Variants in NUP210 observed in about 807,000 individuals in gnomAD.
The protein encoded by NUP210 is nuclear pore membrane glycoprotein 210.
In NUP210, 151 loss-of-function variants were observed where a neutral mutation model predicts 196.0. The ratio of observed to expected loss-of-function variants is 0.77; its 90% CI spans 0.67 to 0.88. The LOEUF (loss-of-function observed/expected upper bound fraction) is 0.88, where lower values mean the gene tolerates loss of function less well. NUP210 is among the 40% of genes least tolerant of loss of function. The probability of loss-of-function intolerance (pLI) is 0.00; values close to 1 mark genes in which losing one functional copy is unlikely to be tolerated. For synonymous variants in NUP210, 1,070 were observed against 1,052.7 expected (o/e 1.02, Z -0.32); for missense variants, 2,314 against 2,493.7 (o/e 0.93, Z 1.53).
chr3:13,351,972 G>A lies in NUP210; in HGVS notation c.2742C>T (p.Leu914=). ...AGTAACCTGAGCCTTCCCTGATGCG[G>A]AGCTCTGCCTGCAGGAGGCAGATGC... ...IYNHPGIQAE[L]RIREGSGYFF... Residue 914 remains leucine (L), a synonymous_variant, in exon 20 of 40, where the codon CTC becomes CTT. Transcript: ENST00000254508. 1 of 1,611,042 alleles carries A rather than the reference G, an allele frequency of 6.2e-7. No homozygotes were observed.
chr3:13,408,508 G>C (rs1177236647), intron 1 of NUP210, among the ~76,000 whole-genome samples: 1 of 152,106 alleles, frequency 6.6e-6, no homozygotes, highest in African/African-American at 2.4e-5. Context: ...AAGGTTTTTA[G>C]GCCAGGTGCC....
At chr3:13,362,264 G>C (rs1227575933) in intron 14 of NUP210, among the ~76,000 whole-genome samples, 2 of 152,154 alleles carry the variant, frequency 1.3e-5, no homozygotes, top group Non-Finnish European at 2.9e-5. Context: ...CTAGCTCTCT[G>C]GGTTCTTTTA....
chr3:13,382,319 A>G (rs1249674587), intron 6 of NUP210, among the ~76,000 whole-genome samples: 3 of 152,182 alleles, frequency 2.0e-5, no homozygotes, highest in Non-Finnish European at 2.9e-5. Context: ...AGCCCATCCT[A>G]TAAGCAATAC....
At chr3:13,418,636 A>T (rs1700424201) in intron 1 of NUP210, among the ~76,000 whole-genome samples, 1 of 151,634 alleles carries the variant, frequency 6.6e-6, no homozygotes, top group Non-Finnish European at 1.5e-5. Flanking sequence ...AAAATGCAAA[A>T]AACTAGCTGG....
rs1697776778 is a variant in NUP210 at position 13,347,264 on chromosome 3, G to A, written c.2836-3961C>T. Reference sequence around the variant, plus strand: ...GTGCTTAACACAGCACCTGGCACACGATAAGCACTCCAGCGTCTCTGAGTG... The same window carrying A: ...GTGCTTAACACAGCACCTGGCACACAATAAGCACTCCAGCGTCTCTGAGTG... On this transcript the variant is annotated intron_variant, in intron 20 of 39. Transcript: ENST00000254508. This position sits in a 1 kb window ranked among gnomAD's most constrained non-coding sequence, Gnocchi z 4.7. The A allele has an allele frequency of 2.0e-5, 20 of 985,186 alleles. No homozygotes were observed. The highest frequency in any genetic ancestry group is 2.3e-5 in the Non-Finnish European group (19 of 829,848). The allele number at this position is 985,186 out of a possible 1,614,324, so 61.0% of individuals were successfully genotyped here.
Position 13,412,611 on chromosome 3 carries a change from G to C in NUP210, c.167+7449C>G, listed in dbSNP as rs564330670. Among the ~76,000 whole-genome samples, 2 of 152,126 alleles carry C rather than the reference G, an allele frequency of 1.3e-5. 1 individual carries two copies. The highest frequency in any genetic ancestry group is 4.1e-4 in the South Asian group (2 of 4,824). On this transcript the variant is annotated intron_variant, in intron 1 of 39. Transcript: ENST00000254508. ...TGCCTGTAATCTCAGCTACTCAGGAGGCTGAGGCAGGAGAATCGCTTGAAC... is the reference window on the plus strand; with the variant it reads ...TGCCTGTAATCTCAGCTACTCAGGACGCTGAGGCAGGAGAATCGCTTGAAC...
intron 36 of NUP210, 92 bp downstream of exon 36, chr3:13,321,493 C>T: frequency 9.5e-6 from 13 of 1,363,278 alleles, no homozygotes; most frequent in Non-Finnish European, 1.2e-5. Context: ...AGAGAGCTGG[C>T]CCAGGACATC....
Position 13,327,203 on chromosome 3 carries a change from A to T in NUP210, c.4507+14T>A, listed in dbSNP as rs773337826. ...CGTGACTCCACAGGTTCCCTTGCTC[A>T]GGATCTATCTTACCTTCCAGGCTGG... On this transcript the variant is annotated intron_variant, in intron 32 of 39. Transcript: ENST00000254508. 9.3e-6 allele frequency: 15 copies of T among 1,604,294 alleles called. No homozygotes were observed. The highest frequency in any genetic ancestry group is 1.3e-5 in the Non-Finnish European group (15 of 1,173,858).
At chr3:13,344,625 C>T (rs1253555946) in intron 20 of NUP210, among the ~76,000 whole-genome samples, 1 of 152,180 alleles carries the variant, frequency 6.6e-6, no homozygotes, top group Non-Finnish European at 1.5e-5. Flanking sequence ...AACATCAACC[C>T]CTCAACAGCT....
At chr3:13,385,048 C>T (rs1393116958) in intron 6 of NUP210, among the ~76,000 whole-genome samples, 2 of 152,170 alleles carry the variant, frequency 1.3e-5, no homozygotes, top group Non-Finnish European at 2.9e-5. Context: ...TGCTTCTCTT[C>T]AACTAGGACC....
chr3:13,354,844 T>A (rs1435260278), intron 16 of NUP210: 4 of 152,232 alleles, frequency 2.6e-5, no homozygotes, highest in Non-Finnish European at 5.9e-5. Flanking sequence ...AGGCTGCAGG[T>A]CCAAATCCTG....
intron 5 of NUP210, among the ~76,000 whole-genome samples, chr3:13,387,035 T>C (rs1178005967): frequency 2.6e-5 from 4 of 152,232 alleles, no homozygotes; most frequent in African/African-American, 7.2e-5. Context: ...GCAGTGTACA[T>C]TGTAGAAAAG....
In NUP210 at chr3:13,317,669, C is replaced by A. The variant is rs760523826; in HGVS notation, c.*12G>T. The A allele has an allele frequency of 2.5e-6, 4 of 1,589,534 alleles. No homozygotes were observed. In the South Asian group the frequency reaches 4.5e-5, roughly 18 times the overall value. ...TCGGCTGAGACCCATCCTCCGGGAA[C>A]CTTCACGCGGCCTAGTGGGAGGCAT... On this transcript the variant is annotated 3_prime_UTR_variant, in exon 40 of 40. Transcript: ENST00000254508.
chr3:13,376,366 C>T lies in NUP210; in HGVS notation c.1218G>A (p.Gly406=), dbSNP rs763861309. The T allele has an allele frequency of 1.9e-6, 3 of 1,614,194 alleles. No homozygotes were observed. Among genetic ancestry groups the T allele is most frequent in the Non-Finnish European group, 2.5e-6 (3 of 1,180,008 alleles). The change falls in exon 10 of 40, where the codon GGG becomes GGA. Residue 406 remains glycine, a synonymous_variant. Transcript: ENST00000254508. ...FFEVLSSSQN[G]SYHRIRALKR... ...TTAGTGCCCTGATGCGATGGTATGACCCATTCTGGGAGGACGAGAGCACCT... is the reference window on the plus strand; with the variant it reads ...TTAGTGCCCTGATGCGATGGTATGATCCATTCTGGGAGGACGAGAGCACCT...
At chr3:13,362,580 T>TCTGTCC (rs1698407091) in intron 14 of NUP210, among the ~76,000 whole-genome samples, 1 of 152,250 alleles carries the variant, frequency 6.6e-6, no homozygotes, top group Admixed American at 6.5e-5. Flanking sequence ...AAATGAGAAT[T>TCTGTCC]CTGTCCTTTT....
In NUP210 at chr3:13,399,838, G is replaced by C; in HGVS notation, c.191C>G (p.Ala64Gly). 1 of 1,610,380 alleles carries C rather than the reference G, an allele frequency of 6.2e-7. No homozygotes were observed. The part of the protein sequence containing the change: ...YRWLSTRPEV[A>G]SIEPLGLDEQ... ...GTCCAGGCCCAGCGGCTCGATGCTGGCCACCTCCGGCCGGGTGGACAACCT... is the reference window on the plus strand; with the variant it reads ...GTCCAGGCCCAGCGGCTCGATGCTGCCCACCTCCGGCCGGGTGGACAACCT... The change falls in exon 2 of 40, where the codon GCC becomes GGC. Residue 64 changes from alanine to glycine, a missense_variant. Ala to Gly is a moderately conservative substitution (Grantham distance 60). Transcript: ENST00000254508.
rs375756092 is a variant in NUP210, at chr3:13,353,957, G to C, written c.2479C>G (p.Leu827Val). Residue 827 changes from leucine to valine, a missense_variant, in exon 17 of 40, where the codon CTG becomes GTG. Coordinates refer to ENST00000254508, the MANE Select transcript of NUP210 (RefSeq NM_024923.4). Reference protein sequence around the residue: ...ASIEPELPMQLVSQDDESGQK... With the variant: ...ASIEPELPMQVVSQDDESGQK... ...CCACTCTCATCGTCCTGGGACACCA[G>C]CTGCATGGGCAGCTCAGGCTCGATG... 1.2e-6 allele frequency: 2 copies of C among 1,610,196 alleles called. No individual in the cohort carries two copies. Among genetic ancestry groups the C allele is most frequent in the African/African-American group, 2.7e-5 (2 of 74,902 alleles).
intron 3 of NUP210, 117 bp from the exon 4 acceptor site, chr3:13,391,424 G>T: frequency 1.4e-6 from 1 of 690,354 alleles, no homozygotes; most frequent in Non-Finnish European, 2.6e-6. Flanking sequence ...CCACCCACCA[G>T]GCAGGTGTCA....
chr3:13,318,215 G>A (rs572685206), intron 39 of NUP210, among the ~76,000 whole-genome samples: 2 of 152,290 alleles, frequency 1.3e-5, no homozygotes, highest in East Asian at 3.9e-4. Flanking sequence ...GGAGGAGCAC[G>A]CTGAGAGAGG....
Sources: allele counts gnomAD v4.1 joint callset (sites outside exome capture counted in the v4.1 genomes callset), GRCh38; gene constraint gnomAD v4.1.1; non-coding constraint Gnocchi (gnomAD v3.1); transcripts MANE v1.5; gene names NCBI Gene and HGNC (gene_info 2026-07-23, HGNC 2026-07-21).